CAPN8: variants seen among roughly 807,000 people sequenced by gnomAD.
The protein encoded by CAPN8 is calpain-8.
CAPN8 carries 87 observed loss-of-function variants against 80.9 expected under a neutral mutation model. That is an observed-to-expected ratio of 1.07 (90% CI 0.90 to 1.28). CAPN8 has a LOEUF of 1.28. Ranked by LOEUF, CAPN8 falls within the 50% of genes most tolerant of loss-of-function variation. CAPN8 has a pLI of 0.00. For synonymous variants in CAPN8, 299 were observed against 273.8 expected, an observed-to-expected ratio of 1.09 and a Z score of -0.91; for missense variants, 757 against 702.0, an observed-to-expected ratio of 1.08 and a Z score of -0.89.
intron 2 of CAPN8, among the ~76,000 whole-genome samples, chr1:223,629,657 C>T (rs61825212): frequency 0.48 from 73,133 of 151,964 alleles, 17,853 homozygotes; most frequent in African/African-American, 0.49. Flanking sequence ...CTAGAAGTGA[C>T]GTAACTTTGC....
At chr1:223,661,291 C>T (rs1356060391) in intron 1 of CAPN8, among the ~76,000 whole-genome samples, 3 of 151,922 alleles carry the variant, frequency 2.0e-5, no homozygotes, top group African/African-American at 7.3e-5. Context: ...AAATCAAAAC[C>T]ACAATGAAAT....
chr1:223,647,477 C>T (rs889962118), intron 2 of CAPN8, among the ~76,000 whole-genome samples: 3 of 152,210 alleles, frequency 2.0e-5, no homozygotes, highest in Admixed American at 6.5e-5. Flanking sequence ...CAGAGCCTCA[C>T]AGGAATGTAA....
chr1:223,661,506 T>A (rs1658643629), intron 1 of CAPN8, among the ~76,000 whole-genome samples: 1 of 152,168 alleles, frequency 6.6e-6, no homozygotes, highest in Non-Finnish European at 1.5e-5. Flanking sequence ...TACGAGTGCC[T>A]GTAATCCCAG....
chr1:223,545,045 G>A, intron 17 of CAPN8, 186 bp downstream of exon 17: 3 of 1,375,156 alleles, frequency 2.2e-6, no homozygotes, highest in Non-Finnish European at 2.9e-6. Context: ...CTGAACAGCA[G>A]GGCTTTCAGG....
At chr1:223,629,033 C>G (rs921528834) in intron 2 of CAPN8, 3 of 477,804 alleles carry the variant, frequency 6.3e-6, no homozygotes, top group Non-Finnish European at 1.1e-5. Flanking sequence ...CTGATCATTT[C>G]CCCACTCCTA....
chr1:223,632,646 A>C (rs1235635382), intron 2 of CAPN8, among the ~76,000 whole-genome samples: 2 of 152,156 alleles, frequency 1.3e-5, no homozygotes, highest in Non-Finnish European at 2.9e-5. Flanking sequence ...CTGGGATTAT[A>C]AGCATGAGCT....
intron 8 of CAPN8, 107 bp downstream of exon 8, chr1:223,620,085 A>G (rs772680286): frequency 4.4e-6 from 4 of 903,746 alleles, no homozygotes; most frequent in African/African-American, 1.7e-5. Context: ...CACCATGATC[A>G]GGAACCATGT....
At chr1:223,614,163 C>T (rs1232753687) in intron 10 of CAPN8, among the ~76,000 whole-genome samples, 1 of 152,184 alleles carries the variant, frequency 6.6e-6, no homozygotes, top group African/African-American at 2.4e-5. Context: ...CTTTGGGAGG[C>T]CAAAGCGGGT....
chr1:223,543,095 T>G lies in CAPN8; in HGVS notation c.2088+13A>C. On this transcript the variant is annotated intron_variant, in intron 20 of 20. Coordinates refer to ENST00000366872, the MANE Select transcript of CAPN8 (RefSeq NM_001143962.2). Reference sequence around the variant, plus strand: ...CCATCAGCCAGCAATTCATCAAACCTCAGGACATTCACCTCGGCCAGAGAG... The same window carrying G: ...CCATCAGCCAGCAATTCATCAAACCGCAGGACATTCACCTCGGCCAGAGAG... 6.4e-7 allele frequency: 1 copy of G among 1,551,502 alleles called. No individual in the cohort carries two copies. The highest frequency in any genetic ancestry group is 8.7e-7 in the Non-Finnish European group (1 of 1,146,924).
chr1:223,624,276 T>C (rs1657498186), intron 6 of CAPN8, among the ~76,000 whole-genome samples: 1 of 152,232 alleles, frequency 6.6e-6, no homozygotes, highest in South Asian at 2.1e-4. Flanking sequence ...AGGTGGGACA[T>C]TCATTGCATT....
At chr1:223,632,367 G>GGTTTTGTTTTGTTTTGTTTTGTTTT (rs71572867) in intron 2 of CAPN8, among the ~76,000 whole-genome samples, 1 of 151,662 alleles carries the variant, frequency 6.6e-6, no homozygotes, top group Admixed American at 6.6e-5. Context: ...TTGGAGCATA[G>GGTTTTGTTTTGTTTTGTTTTGTTTT]GTTTTGTTTT....
chr1:223,612,150 T>C (rs1370245943), intron 11 of CAPN8, 96 bp downstream of exon 11: 25 of 1,064,234 alleles, frequency 2.3e-5, no homozygotes, highest in Non-Finnish European at 2.8e-5. Context: ...AACAACCAGC[T>C]TCTACCACAG....
chr1:223,611,521 G>A (rs934959723), intron 11 of CAPN8, among the ~76,000 whole-genome samples: 2 of 152,168 alleles, frequency 1.3e-5, no homozygotes, highest in Admixed American at 6.5e-5. Context: ...CTGACTATGA[G>A]GTAGCCCTGC....
chr1:223,638,822 C>A (rs573206137), intron 2 of CAPN8, among the ~76,000 whole-genome samples: 1 of 152,238 alleles, frequency 6.6e-6, no homozygotes, highest in Non-Finnish European at 1.5e-5. Context: ...CACCTGCCTG[C>A]GCTGAGTCAG....
chr1:223,612,845 T>A (rs1369406308), intron 10 of CAPN8, among the ~76,000 whole-genome samples: 2 of 152,230 alleles, frequency 1.3e-5, no homozygotes, highest in Non-Finnish European at 2.9e-5. Context: ...TCATCAGCAC[T>A]AGAGAGGAGA....
chr1:223,554,626 C>T (rs1441810178), intron 13 of CAPN8, among the ~76,000 whole-genome samples: 4 of 151,976 alleles, frequency 2.6e-5, no homozygotes, highest in East Asian at 1.9e-4. Flanking sequence ...ATCAGATTCA[C>T]GAAGAGCAAC....
At chr1:223,655,110 G>A (rs1658448246) in intron 1 of CAPN8, among the ~76,000 whole-genome samples, 1 of 152,082 alleles carries the variant, frequency 6.6e-6, no homozygotes, top group Admixed American at 6.5e-5. Context: ...GATGAAAAAT[G>A]ATCTCACCTA....
chr1:223,610,784 T>C (rs930097095), intron 11 of CAPN8, among the ~76,000 whole-genome samples: 11 of 152,122 alleles, frequency 7.2e-5, no homozygotes, highest in Admixed American at 2.0e-4. Context: ...GCCCTTGACA[T>C]AGCTCAGCTC....
At chr1:223,653,232 C>T (rs975692532) in intron 2 of CAPN8, among the ~76,000 whole-genome samples, 4 of 151,026 alleles carry the variant, frequency 2.6e-5, no homozygotes, top group Admixed American at 6.6e-5. Context: ...ACGGGGCACG[C>T]GCTTGGGTGC....
Sources: gnomAD v4.1 joint callset for allele counts (sites outside exome capture counted in the v4.1 genomes callset) on GRCh38, gnomAD v4.1.1 for gene constraint, MANE v1.5 for transcripts, NCBI Gene and HGNC (gene_info 2026-07-23, HGNC 2026-07-21) for gene names.